Variants in ATXN3L observed in about 807,000 individuals in gnomAD.
ATXN3L encodes ataxin-3-like protein.
For synonymous variants in ATXN3L, 98 were observed against 96.1 expected (o/e 1.02, Z -0.12); for missense variants, 283 against 255.2 (o/e 1.11, Z -0.74).
In ATXN3L at chrX:13,319,241, C is replaced by T; in HGVS notation, c.694G>A (p.Ala232Thr). The change falls in exon 1 of 1, where the codon GCC (alanine) becomes ACC (threonine). Residue 232 changes from alanine (A) to threonine (T), a missense_variant. Ala to Thr is a moderately conservative substitution (Grantham distance 58). Coordinates refer to ENST00000380622, the MANE Select transcript of ATXN3L (RefSeq NM_001135995.2). ...SDQDEEDFQR[A>T]LELSRQETNR... ...GTTTCTTGGCGGCTTAGTTCAAGGG[C>T]CCTCTGAAAATCCTCCTCATCTTGG... 8.3e-7 allele frequency: 1 copy of T among 1,211,220 alleles called. No homozygotes were observed. Among genetic ancestry groups the T allele is most frequent in the Non-Finnish European group, 1.1e-6 (1 of 895,132 alleles).
chrX:13,318,858 T>A lies in ATXN3L; in HGVS notation c.*9A>T, dbSNP rs1340665250. 8.6e-7 allele frequency: 1 copy of A among 1,164,409 alleles called. No individual in the cohort carries two copies. Among genetic ancestry groups the A allele is most frequent in the South Asian group, 1.9e-5 (1 of 51,503 alleles). On this transcript the variant is annotated 3_prime_UTR_variant, in exon 1 of 1. Coordinates refer to ENST00000380622, the MANE Select transcript of ATXN3L (RefSeq NM_001135995.2). ...GAAAGTATGACTATCTAAATTATTTTTAAAGGCATTATTTTTCCCCTTTGA... is the reference window on the plus strand; with the variant it reads ...GAAAGTATGACTATCTAAATTATTTATAAAGGCATTATTTTTCCCCTTTGA...
Position 13,319,496 on chromosome X carries a change from A to G in ATXN3L, c.439T>C (p.Cys147Arg), listed in dbSNP as rs1257708261. 5.0e-6 allele frequency: 6 copies of G among 1,210,224 alleles called. No homozygotes were observed. Among genetic ancestry groups the G allele is most frequent in the Non-Finnish European group, 6.7e-6 (6 of 895,191 alleles). ...LAGPELISDT[C>R]LANFLARLQQ... ...AATCGAGCCAAGAAATTTGCAAGGC[A>G]TGTATCTGATATTAATTCTGGACCC... Residue 147 changes from cysteine (C) to arginine (R), a missense_variant, in exon 1 of 1, where the codon TGC becomes CGC. Transcript: ENST00000380622.
chrX:13,320,018 T>A lies in ATXN3L; in HGVS notation c.-84A>T. 1.4e-6 allele frequency: 1 copy of A among 722,854 alleles called. No individual in the cohort carries two copies. The highest frequency in any genetic ancestry group is 2.0e-6 in the Non-Finnish European group (1 of 488,712). 59.6% of individuals were successfully genotyped at this position (722,854 alleles called of 1,213,427 possible). A position where few individuals can be genotyped will look rare whatever the true frequency, so the allele number is the denominator to read the frequency against. On this transcript the variant is annotated 5_prime_UTR_variant, in exon 1 of 1. Transcript: ENST00000380622. ...GGCAGTTACCTGGGCAGTTTGTGGA[T>A]AGCCATGTAACAGATGTTAGGTTTT...
In ATXN3L at chrX:13,319,976, G is replaced by A; in HGVS notation, c.-42C>T. On this transcript the variant is annotated 5_prime_UTR_variant, in exon 1 of 1. Coordinates refer to ENST00000380622, the MANE Select transcript of ATXN3L (RefSeq NM_001135995.2). The stretch of plus-strand genomic sequence containing the variant: ...AGTTTCTGTAGGTATGCCGGAAGAT[G>A]TTGTATGCCCAGCTATGGCAGTTAC... 1 of 1,050,339 alleles carries A rather than the reference G, an allele frequency of 9.5e-7. No homozygotes were observed. Among genetic ancestry groups the A allele is most frequent in the Non-Finnish European group, 1.3e-6 (1 of 765,799 alleles). The allele number at this position is 1,050,339 out of a possible 1,213,427, so 86.6% of individuals were successfully genotyped here. A position where few individuals can be genotyped will look rare whatever the true frequency, so the allele number is the denominator to read the frequency against.
At position 13,319,002 on chromosome X, in the gene ATXN3L, G is replaced by A. The variant is rs373799323; in HGVS notation, c.933C>T (p.His311=). 5 of 1,211,626 alleles carry A rather than the reference G, an allele frequency of 4.1e-6. No individual in the cohort carries two copies. Among genetic ancestry groups the A allele is most frequent in the South Asian group, 1.8e-5 (1 of 56,993 alleles). The part of the protein sequence containing the change: ...SDLPGHSSYL[H]ERPTTSSRAI... ...CTCTCGAACTTGTTGTTGGCCTTTCGTGTAGGTATGAACTGTGGCCCGGCA... is the reference window on the plus strand; with the variant it reads ...CTCTCGAACTTGTTGTTGGCCTTTCATGTAGGTATGAACTGTGGCCCGGCA... Residue 311 remains histidine, a synonymous_variant, in exon 1 of 1, where the codon CAC becomes CAT. Transcript: ENST00000380622.
At position 13,319,979 on chromosome X, in the gene ATXN3L, G is replaced by A; in HGVS notation, c.-45C>T. ...TTCTGTAGGTATGCCGGAAGATGTT[G>A]TATGCCCAGCTATGGCAGTTACCTG... On this transcript the variant is annotated 5_prime_UTR_variant, in exon 1 of 1. Transcript: ENST00000380622. The A allele has an allele frequency of 9.6e-7, 1 of 1,041,255 alleles. No individual in the cohort carries two copies. The highest frequency in any genetic ancestry group is 3.1e-5 in the East Asian group (1 of 32,189). The allele number at this position is 1,041,255 out of a possible 1,213,427, so 85.8% of individuals were successfully genotyped here.
In ATXN3L at chrX:13,319,205, C is replaced by A; in HGVS notation, c.730G>T (p.Asp244Tyr). ...TCAATAGTACTGCGGAGATGTTCAT[C>A]TTCTCTATTGGTTTCTTGGCGGCTT... is the stretch of plus-strand genomic sequence containing the variant. ...ELSRQETNREDEHLRSTIELS... is the reference protein window; with the variant it reads ...ELSRQETNREYEHLRSTIELS... The change falls in exon 1 of 1, where the codon GAT becomes TAT. Residue 244 changes from aspartate to tyrosine, a missense_variant. Physicochemically the swap from Asp to Tyr is radical, Grantham distance 160. Coordinates refer to ENST00000380622, the MANE Select transcript of ATXN3L (RefSeq NM_001135995.2). The A allele has an allele frequency of 8.3e-7, 1 of 1,211,557 alleles. No individual in the cohort carries two copies. The highest frequency in any genetic ancestry group is 1.1e-6 in the Non-Finnish European group (1 of 895,366).
chrX:13,319,743 C>T lies in ATXN3L; in HGVS notation c.192G>A (p.Gln64=). 8.3e-7 allele frequency: 1 copy of T among 1,211,885 alleles called. No individual in the cohort carries two copies. The highest frequency in any genetic ancestry group is 1.1e-6 in the Non-Finnish European group (1 of 895,532). Residue 64 remains glutamine, a synonymous_variant, in exon 1 of 1, where the codon CAG becomes CAA. Coordinates refer to ENST00000380622, the MANE Select transcript of ATXN3L (RefSeq NM_001135995.2). ...CGGTATCATCCATGTTTTCTGAAGG[C>T]TGCTGTAAAAATGCAAGATACTCTT... is the stretch of plus-strand genomic sequence containing the variant. The part of the protein sequence containing the change: ...TSEEYLAFLQ[Q]PSENMDDTGF...
At position 13,318,988 on chromosome X, in the gene ATXN3L, G is replaced by T. The variant is rs762695522; in HGVS notation, c.947C>A (p.Thr316Lys). ...HSSYLHERPTTSSRAIESDLS... is the reference protein window; with the variant it reads ...HSSYLHERPTKSSRAIESDLS... ...ATCACTCTCAATTGCTCTCGAACTT[G>T]TTGTTGGCCTTTCGTGTAGGTATGA... The change falls in exon 1 of 1, where the codon ACA becomes AAA. Residue 316 changes from threonine (T) to lysine (K), a missense_variant. Physicochemically the swap from Thr to Lys is moderately conservative, Grantham distance 78. Coordinates refer to ENST00000380622, the MANE Select transcript of ATXN3L (RefSeq NM_001135995.2). 4 of 1,208,781 alleles carry T rather than the reference G, an allele frequency of 3.3e-6. No homozygotes were observed. The South Asian group carries it at 5.3e-5, about 16-fold the overall frequency.
chrX:13,319,863 T>G lies in ATXN3L; in HGVS notation c.72A>C (p.Gln24His), dbSNP rs980434795. Residue 24 changes from glutamine to histidine, a missense_variant, in exon 1 of 1, where the codon CAA (glutamine) becomes CAC (histidine). Transcript: ENST00000380622. ...CAQHCLNNLL[Q>H]GEYFSPVELA... ...ATTCCACAGGGCTAAAATATTCTCC[T>G]TGCAATAGATTGTTCAGACAGTGCT... The G allele has an allele frequency of 3.8e-5, 46 of 1,210,126 alleles. No homozygotes were observed. Among genetic ancestry groups the G allele is most frequent in the Non-Finnish European group, 5.1e-5 (46 of 895,071 alleles).
chrX:13,318,871 T>A lies in ATXN3L; in HGVS notation c.1064A>T (p.Lys355Ile). The A allele has an allele frequency of 8.4e-7, 1 of 1,189,670 alleles. No individual in the cohort carries two copies. Among genetic ancestry groups the A allele is most frequent in the Non-Finnish European group, 1.1e-6 (1 of 882,710 alleles). The change falls in exon 1 of 1, where the codon AAA becomes ATA. Residue 355 changes from lysine (K) to isoleucine (I), a missense_variant. Transcript: ENST00000380622. ...MRKNLKIKGE[K>I] The stretch of plus-strand genomic sequence containing the variant: ...TCTAAATTATTTTTAAAGGCATTAT[T>A]TTTCCCCTTTGATTTTCAAATTCTT...
In ATXN3L at chrX:13,319,674, C is replaced by T. The variant is rs2044475578; in HGVS notation, c.261G>A (p.Trp87Ter). 1 of 1,211,410 alleles carries T rather than the reference C, an allele frequency of 8.3e-7. No homozygotes were observed. The highest frequency in any genetic ancestry group is 1.1e-6 in the Non-Finnish European group (1 of 895,235). Residue 87 changes from tryptophan (W) to a stop codon, truncating the protein, a stop_gained, in exon 1 of 1, where the codon TGG (tryptophan) becomes TGA (stop). Transcript: ENST00000380622. LOFTEE classifies it low-confidence loss of function (END_TRUNC). ...TATTGAAATGGATGATCTCTAAACC[C>T]CAGAACTTCAAGGCATTGCTTATTA... ...IQVISNALKF[W>*]GLEIIHFNNP...
chrX:13,319,834 G>A lies in ATXN3L; in HGVS notation c.101C>T (p.Ala34Val). ...TTCATCTAGCTGATGTGCAATTGAG[G>A]CTAATTCCACAGGGCTAAAATATTC... is the stretch of plus-strand genomic sequence containing the variant. ...QGEYFSPVEL[A>V]SIAHQLDEEE... Residue 34 changes from alanine (A) to valine (V), a missense_variant, in exon 1 of 1, where the codon GCC becomes GTC. By Grantham distance (64) the Ala-to-Val change is moderately conservative. Coordinates refer to ENST00000380622, the MANE Select transcript of ATXN3L (RefSeq NM_001135995.2). The A allele has an allele frequency of 8.3e-7, 1 of 1,210,344 alleles. No individual in the cohort carries two copies. Among genetic ancestry groups the A allele is most frequent in the African/African-American group, 1.7e-5 (1 of 57,790 alleles).
rs1458826007 is a variant in ATXN3L, at chrX:13,319,603, G to A, written c.332C>T (p.Ser111Phe). 17 of 1,208,972 alleles carry A rather than the reference G, an allele frequency of 1.4e-5. No homozygotes were observed. The highest frequency in any genetic ancestry group is 2.2e-5 in the Admixed American group (1 of 45,742). Residue 111 changes from serine to phenylalanine, a missense_variant, in exon 1 of 1, where the codon TCT (serine) becomes TTT (phenylalanine). Transcript: ENST00000380622. The stretch of plus-strand genomic sequence containing the variant: ...GTGTTGTTTATAATTACATATAAAA[G>A]ATCTTTCATTTATAGGATCAATGCC... ...KLGIDPINER[S>F]FICNYKQHWF...
Position 13,319,777 on chromosome X carries a change from ACTC to A in ATXN3L, c.155_157del (p.Gly52del), listed in dbSNP as rs759545113. ...AAATGCAAGATACTCTTCACTGGTG[ACTC>A]CTCCTTCTGCCATTCTCATCCTCTC... On this transcript the variant is annotated inframe_deletion, in exon 1 of 1. Transcript: ENST00000380622. 8.3e-7 allele frequency: 1 copy of A among 1,210,144 alleles called. No individual in the cohort carries two copies. The highest frequency in any genetic ancestry group is 1.1e-6 in the Non-Finnish European group (1 of 895,031).
rs1347819242 is a variant in ATXN3L at position 13,318,736 on chromosome X, T to C, written c.*131A>G. 4.5e-5 allele frequency: 22 copies of C among 488,204 alleles called. No individual in the cohort carries two copies. Among genetic ancestry groups the C allele is most frequent in the Middle Eastern group, 6.0e-4 (1 of 1,664 alleles). 40.2% of individuals were successfully genotyped at this position (488,204 alleles called of 1,213,427 possible). On this transcript the variant is annotated 3_prime_UTR_variant, in exon 1 of 1. Coordinates refer to ENST00000380622, the MANE Select transcript of ATXN3L (RefSeq NM_001135995.2). ...ATTATTTAGTCCCACATCTCTCTCG[T>C]CATTTTGTTTGCAAACTGTCTAAAA...
rs768318062 is a variant in ATXN3L at position 13,319,295 on chromosome X, C to G, written c.640G>C (p.Glu214Gln). 8.3e-6 allele frequency: 10 copies of G among 1,211,635 alleles called. No homozygotes were observed. In the South Asian group the frequency reaches 1.2e-4, roughly 15 times the overall value. ...VYKTVLEKVS[E>Q]ESDESGTSDQ... is the part of the protein sequence containing the mutation. ...GATGTTCCAGACTCATCACTTTCTT[C>G]TGATACTTTTTCAAGGACTGTTTTA... The change falls in exon 1 of 1, where the codon GAA becomes CAA. Residue 214 changes from glutamate to glutamine, a missense_variant. Physicochemically the swap from Glu to Gln is conservative, Grantham distance 29. Transcript: ENST00000380622.
At position 13,319,903 on chromosome X, in the gene ATXN3L, C is replaced by A. The variant is rs2147368806; in HGVS notation, c.32G>T (p.Gly11Val). 1 of 1,205,787 alleles carries A rather than the reference C, an allele frequency of 8.3e-7. No homozygotes were observed. The highest frequency in any genetic ancestry group is 1.1e-6 in the Non-Finnish European group (1 of 891,383). ...CAGACAGTGCTGAGCACACAGGAAA[C>A]CTTCCTGTTTCTCATGAAAGATGAA... Reference protein sequence around the residue: MDFIFHEKQEGFLCAQHCLNN... With the variant: MDFIFHEKQEVFLCAQHCLNN... Residue 11 changes from glycine to valine, a missense_variant, in exon 1 of 1, where the codon GGT (glycine) becomes GTT (valine). Coordinates refer to ENST00000380622, the MANE Select transcript of ATXN3L (RefSeq NM_001135995.2).
chrX:13,319,997 G>A lies in ATXN3L; in HGVS notation c.-63C>T. On this transcript the variant is annotated 5_prime_UTR_variant, in exon 1 of 1. Transcript: ENST00000380622. The stretch of plus-strand genomic sequence containing the variant: ...AGATGTTGTATGCCCAGCTATGGCA[G>A]TTACCTGGGCAGTTTGTGGATAGCC... The A allele has an allele frequency of 1.1e-6, 1 of 900,730 alleles. No individual in the cohort carries two copies. The highest frequency in any genetic ancestry group is 1.6e-6 in the Non-Finnish European group (1 of 640,807). 74.2% of individuals were successfully genotyped at this position (900,730 alleles called of 1,213,427 possible). A position where few individuals can be genotyped will look rare whatever the true frequency, so the allele number is the denominator to read the frequency against.
Sources: allele counts gnomAD v4.1 joint callset, GRCh38; gene constraint gnomAD v4.1.1; transcripts MANE v1.5; gene names NCBI Gene and HGNC (gene_info 2026-07-23, HGNC 2026-07-21).